Variants in PMFBP1 observed in about 807,000 individuals in gnomAD.
The protein encoded by PMFBP1 is polyamine-modulated factor 1-binding protein 1.
A neutral mutation model predicts 137.8 loss-of-function variants in PMFBP1; 131 were observed. That is an observed-to-expected ratio of 0.95 (90% CI 0.82 to 1.10). The LOEUF is 1.10. Among genes scored for constraint, PMFBP1 ranks in the 50% least tolerant of loss-of-function variants. The pLI, the probability that PMFBP1 is intolerant of heterozygous loss-of-function variation, is 0.00. For synonymous variants in PMFBP1, 490 were observed against 450.4 expected (o/e 1.09, Z -1.11); for missense variants, 1,199 against 1,175.4 (o/e 1.02, Z -0.29).
chr16:72,191,096 C>T, the PMFBP1 span, among the ~76,000 whole-genome samples: 2 of 152,146 alleles, frequency 1.3e-5, no homozygotes, highest in African/African-American at 4.8e-5. Context: ...TACATCCATC[C>T]ATCCTGCCCG....
chr16:72,194,650 A>T, the PMFBP1 span, among the ~76,000 whole-genome samples: 6 of 152,202 alleles, frequency 3.9e-5, no homozygotes, highest in Non-Finnish European at 8.8e-5. Context: ...AGTATTAAAG[A>T]CCATTCATGG....
At chr16:72,193,955 T>A in the PMFBP1 span, among the ~76,000 whole-genome samples, 3 of 151,168 alleles carry the variant, frequency 2.0e-5, no homozygotes, top group Non-Finnish European at 4.4e-5. Context: ...GAGTCTATAG[T>A]GGCAGGTATG....
the PMFBP1 span, among the ~76,000 whole-genome samples, chr16:72,244,114 T>G: frequency 6.6e-6 from 1 of 152,014 alleles, no homozygotes; most frequent in Non-Finnish European, 1.5e-5. Context: ...GTGCTCAAAA[T>G]CAAATGCAGA....
At chr16:72,212,038 T>C in the PMFBP1 span, among the ~76,000 whole-genome samples, 1 of 151,526 alleles carries the variant, frequency 6.6e-6, no homozygotes, top group East Asian at 1.9e-4. Flanking sequence ...AGTGGTAAAA[T>C]AGTTGGAAGG....
At position 72,136,472 on chromosome 16, in the gene PMFBP1, T is replaced by C. The variant is rs747714013; in HGVS notation, c.1179A>G (p.Gln393=). ...QELQLEFTET[Q]KLTLKKDKFL... ...CCTTGTCTTTCTTCAAAGTGAGCTTTTGGGTCTCGGTGAACTCCAGCTGCA... is the reference window on the plus strand; with the variant it reads ...CCTTGTCTTTCTTCAAAGTGAGCTTCTGGGTCTCGGTGAACTCCAGCTGCA... The change falls in exon 9 of 21, where the codon CAA becomes CAG. Residue 393 remains glutamine (Q), a synonymous_variant. Transcript: ENST00000237353. 6 of 1,613,674 alleles carry C rather than the reference T, an allele frequency of 3.7e-6. No individual in the cohort carries two copies. In the African/African-American group the frequency reaches 6.7e-5, roughly 18 times the overall value.
chr16:72,128,552 G>A (rs1469087901), intron 14 of PMFBP1, 105 bp downstream of exon 14: 2 of 1,602,452 alleles, frequency 1.2e-6, no homozygotes, highest in Non-Finnish European at 1.7e-6. Context: ...GCAGTTGGCT[G>A]AGCAGTTAGC....
chr16:72,129,071 TG>T lies in PMFBP1; in HGVS notation c.1944del (p.Asp648GlufsTer4). The T allele has an allele frequency of 1.2e-6, 2 of 1,613,754 alleles. No individual in the cohort carries two copies. Among genetic ancestry groups the T allele is most frequent in the Middle Eastern group, 1.7e-4 (1 of 6,052 alleles). The part of the protein sequence containing the change: ...EALRQEFKKK[D>X]KTLKENSRKL... ...CCTGGGATTCTCCCACTCACCGTCT[TG>T]TCTTTCTTTTTAAATTCCTGCCGCA... On this transcript the variant is annotated frameshift_variant, in exon 13 of 21. Transcript: ENST00000237353. LOFTEE classifies it high-confidence loss of function.
At chr16:72,177,725 G>T (rs1454738722), upstream of PMFBP1, among the ~76,000 whole-genome samples, 1 of 152,076 alleles carries the variant, frequency 6.6e-6, no homozygotes, top group South Asian at 2.1e-4. Context: ...TCCTTTTTCT[G>T]TTCTAGGATC....
At chr16:72,161,150 T>A (rs556779137) in intron 3 of PMFBP1, among the ~76,000 whole-genome samples, 1 of 145,454 alleles carries the variant, frequency 6.9e-6, no homozygotes, top group Non-Finnish European at 1.5e-5. Context: ...AAGGCTGGAG[T>A]GAAGTGGCAT....
At chr16:72,185,818 G>A in the PMFBP1 span, among the ~76,000 whole-genome samples, 1 of 152,200 alleles carries the variant, frequency 6.6e-6, no homozygotes. Context: ...ACTGTCATGA[G>A]AACTGGAATA....
At chr16:72,165,019 T>G in intron 2 of PMFBP1, 103 bp from the exon 3 acceptor site, 1 of 1,299,452 alleles carries the variant, frequency 7.7e-7, no homozygotes, top group East Asian at 2.5e-5. Context: ...GCTGGAAATT[T>G]GTCCATCAAC....
At chr16:72,170,430 T>C (rs1426700183) in intron 2 of PMFBP1, among the ~76,000 whole-genome samples, 1 of 152,072 alleles carries the variant, frequency 6.6e-6, no homozygotes, top group African/African-American at 2.4e-5. Context: ...ATAAACATAG[T>C]TTGCTGCTGT....
rs1017863572 is a variant in PMFBP1 at position 72,154,325 on chromosome 16, G to A, written c.300C>T (p.His100=). The A allele has an allele frequency of 6.2e-7, 1 of 1,614,048 alleles. No homozygotes were observed. Among genetic ancestry groups the A allele is most frequent in the African/African-American group, 1.3e-5 (1 of 74,924 alleles). ...AGTAAGAAGTCTGCAACTCCTCTGT[G>A]TGAAACTCCAGTTCTTGTTGAAGGA... ...LLVLQQELEF[H]TEELQTSYYS... Residue 100 remains histidine, a synonymous_variant, in exon 4 of 21, where the codon CAC becomes CAT. Transcript: ENST00000237353.
intron 10 of PMFBP1, among the ~76,000 whole-genome samples, chr16:72,131,305 G>C (rs767104167): frequency 2.0e-5 from 3 of 152,178 alleles, no homozygotes; most frequent in Non-Finnish European, 4.4e-5. Context: ...GTGGGCGATA[G>C]AGTTGAGTAA....
chr16:72,172,180 T>C (rs2043228663), upstream of PMFBP1: 1 of 152,012 alleles, frequency 6.6e-6, no homozygotes, highest in South Asian at 2.1e-4. Flanking sequence ...TCTGGAATGT[T>C]TTATGGAGCT....
intron 5 of PMFBP1, among the ~76,000 whole-genome samples, chr16:72,149,588 T>A (rs1393086372): frequency 2.6e-5 from 4 of 152,122 alleles, no homozygotes; most frequent in Non-Finnish European, 5.9e-5. Context: ...TTTGGGAGGC[T>A]GAGGTGAGTG....
At chr16:72,174,401 T>C (rs1315108359), upstream of PMFBP1, among the ~76,000 whole-genome samples, 1 of 152,212 alleles carries the variant, frequency 6.6e-6, no homozygotes, top group Admixed American at 6.5e-5. Context: ...TCTCAACCTC[T>C]TTAAGGCGTC....
Position 72,119,176 on chromosome 16 carries a change from A to C in PMFBP1, c.*162T>G. 2.7e-6 allele frequency: 2 copies of C among 736,470 alleles called. No individual in the cohort carries two copies. Among genetic ancestry groups the C allele is most frequent in the Non-Finnish European group, 2.3e-6 (1 of 436,982 alleles). 45.6% of individuals were successfully genotyped at this position (736,470 alleles called of 1,614,324 possible). On this transcript the variant is annotated 3_prime_UTR_variant, in exon 21 of 21. Transcript: ENST00000237353. ...GTTCTAAAGCTCACTCCATGGCAGG[A>C]AGTGGACAAAACTCAACAAAAGTTA...
Position 72,171,440 on chromosome 16 carries a change from C to T in PMFBP1, c.-60-172G>A, listed in dbSNP as rs1596982344. 5 of 515,772 alleles carry T rather than the reference C, an allele frequency of 9.7e-6. No homozygotes were observed. In the East Asian group the frequency reaches 1.5e-4, roughly 15 times the overall value. 31.9% of individuals were successfully genotyped at this position (515,772 alleles called of 1,614,324 possible). A position where few individuals can be genotyped will look rare whatever the true frequency, so the allele number is the denominator to read the frequency against. Reference sequence around the variant, plus strand: ...TTGTGTTTTTAAAAGGGTGTTAAAACCTCCAGATGGCAGGACCATGGTTTT... The same window carrying T: ...TTGTGTTTTTAAAAGGGTGTTAAAATCTCCAGATGGCAGGACCATGGTTTT... On this transcript the variant is annotated intron_variant, in intron 1 of 20. Coordinates refer to ENST00000237353, the MANE Select transcript of PMFBP1 (RefSeq NM_031293.3).
Sources: gnomAD v4.1 joint callset for allele counts (sites outside exome capture counted in the v4.1 genomes callset) on GRCh38, gnomAD v4.1.1 for gene constraint, MANE v1.5 for transcripts, NCBI Gene and HGNC (gene_info 2026-07-23, HGNC 2026-07-21) for gene names.